The following SYN3 variants were observed in gnomAD, a reference collection of about 807,000 sequenced individuals.
SYN3 encodes the protein synapsin III, also known as synapsin-3.
In SYN3, 35 loss-of-function variants were observed where a neutral mutation model predicts 65.8. That is an observed-to-expected ratio of 0.53 (90% CI 0.41 to 0.70). The LOEUF (loss-of-function observed/expected upper bound fraction) is 0.70, where lower values mean the gene tolerates loss of function less well. Ranked by LOEUF, SYN3 falls within the 30% of genes least tolerant of loss-of-function variation. SYN3 has a pLI of 0.00. For missense variants in SYN3, 680 were observed against 749.0 expected (o/e 0.91, Z 1.08); for synonymous variants, 270 against 292.9 (o/e 0.92, Z 0.80).
At chr22:33,019,508 AAAAT>A (rs528435666) in intron 1 of SYN3, among the ~76,000 whole-genome samples, 303 of 152,356 alleles carry the variant, frequency 2.0e-3, no homozygotes, top group Admixed American at 5.9e-3. Flanking sequence ...ACAGGAATAA[AAAAT>A]AACGGCTACT....
chr22:32,820,122 C>G (rs1481025875), intron 6 of SYN3, among the ~76,000 whole-genome samples: 1 of 151,900 alleles, frequency 6.6e-6, no homozygotes, highest in East Asian at 1.9e-4. Flanking sequence ...CCTGGCTCAG[C>G]AGAGTCAGCC....
chr22:32,514,687 G>A (rs1056982991), intron 13 of SYN3: 1 of 152,262 alleles, frequency 6.6e-6, no homozygotes, highest in African/African-American at 2.4e-5. Flanking sequence ...AAAAGTTGAA[G>A]AGCTCTGCAT....
At chr22:32,726,198 A>G (rs2061189152) in intron 6 of SYN3, among the ~76,000 whole-genome samples, 3 of 151,894 alleles carry the variant, frequency 2.0e-5, no homozygotes. Flanking sequence ...GCTGGAGTGC[A>G]GTGGCACGAT....
chr22:32,628,750 A>C (rs1207373625), intron 6 of SYN3, among the ~76,000 whole-genome samples: 2 of 151,812 alleles, frequency 1.3e-5, no homozygotes, highest in African/African-American at 4.8e-5. Context: ...CTTCGTCTAA[A>C]AAAAAAAAAA....
intron 3 of SYN3, among the ~76,000 whole-genome samples, chr22:32,942,018 G>A (rs544615623): frequency 6.6e-6 from 1 of 152,342 alleles, no homozygotes; most frequent in South Asian, 2.1e-4. Context: ...CCACCTCTGG[G>A]GGCAGGGCAT....
At chr22:32,558,953 GAATA>G (rs1175672539) in intron 7 of SYN3, among the ~76,000 whole-genome samples, 1 of 152,256 alleles carries the variant, frequency 6.6e-6, no homozygotes, top group African/African-American at 2.4e-5. Flanking sequence ...CTCAGCCTGT[GAATA>G]AATAATGATG....
chr22:32,556,770 CAATGA>C (rs2058503078), intron 7 of SYN3, among the ~76,000 whole-genome samples: 2 of 124,068 alleles, frequency 1.6e-5, no homozygotes, highest in African/African-American at 6.7e-5. Context: ...CCCAATGACC[CAATGA>C]CCCAATGACC....
At chr22:32,697,006 C>T (rs1441885500) in intron 6 of SYN3, among the ~76,000 whole-genome samples, 1 of 152,192 alleles carries the variant, frequency 6.6e-6, no homozygotes, top group Non-Finnish European at 1.5e-5. Context: ...AGAAAAATCT[C>T]TCTCTGTCCA....
At chr22:32,689,540 G>A (rs1306381701) in intron 6 of SYN3, among the ~76,000 whole-genome samples, 1 of 152,198 alleles carries the variant, frequency 6.6e-6, no homozygotes, top group Non-Finnish European at 1.5e-5. Flanking sequence ...GCGTCTCCTG[G>A]GGAGGCACAA....
intron 4 of SYN3, among the ~76,000 whole-genome samples, chr22:32,882,900 C>T (rs1213211366): frequency 6.6e-6 from 1 of 151,968 alleles, no homozygotes; most frequent in Non-Finnish European, 1.5e-5. Flanking sequence ...CTTCTGAAGT[C>T]CCCCCGCCCC....
At position 32,682,219 on chromosome 22, in the gene SYN3, T is replaced by C. The variant is rs1392500404; in HGVS notation, c.712-85483A>G. Among the ~76,000 whole-genome samples the C allele has an allele frequency of 6.6e-5, 10 of 152,238 alleles. No individual in the cohort carries two copies. The East Asian group carries it at 1.9e-3, about 29-fold the overall frequency. On this transcript the variant is annotated intron_variant, in intron 6 of 13. Transcript: ENST00000358763. The stretch of plus-strand genomic sequence containing the variant: ...GCTACTGGCCTCTAGTAGGCAAAGG[T>C]CAGGGATTCTGCAAAACATCCTACA...
intron 6 of SYN3, among the ~76,000 whole-genome samples, chr22:32,824,622 G>A (rs947022887): frequency 1.3e-5 from 2 of 152,166 alleles, no homozygotes; most frequent in African/African-American, 4.8e-5. Context: ...TTAGAGGCAT[G>A]CATGTATGAT....
chr22:32,730,662 T>C (rs953501153), intron 6 of SYN3, among the ~76,000 whole-genome samples: 1 of 152,230 alleles, frequency 6.6e-6, no homozygotes, highest in African/African-American at 2.4e-5. Context: ...ATTCAGGTTC[T>C]GGCATCTCTT....
chr22:33,005,749 G>A (rs1278621008), intron 2 of SYN3, among the ~76,000 whole-genome samples: 1 of 152,190 alleles, frequency 6.6e-6, no homozygotes, highest in Non-Finnish European at 1.5e-5. Flanking sequence ...CTGATCCCAA[G>A]GTTTGGGATA....
chr22:32,665,099 G>C (rs2060272816), intron 6 of SYN3, among the ~76,000 whole-genome samples: 1 of 147,568 alleles, frequency 6.8e-6, no homozygotes, highest in African/African-American at 2.5e-5. Context: ...CCTGGTTCAA[G>C]GGATTCTCAT....
intron 7 of SYN3, among the ~76,000 whole-genome samples, chr22:32,590,851 C>T (rs2059118131): frequency 1.3e-5 from 2 of 152,306 alleles, no homozygotes; most frequent in Admixed American, 6.5e-5. Flanking sequence ...CTGAGTCATA[C>T]TAAACTTGTA....
At chr22:32,677,062 C>T (rs2060455998) in intron 6 of SYN3, among the ~76,000 whole-genome samples, 1 of 152,220 alleles carries the variant, frequency 6.6e-6, no homozygotes, top group Non-Finnish European at 1.5e-5. Flanking sequence ...AAACTCAACA[C>T]ATACATATTG....
At position 32,801,240 on chromosome 22, in the gene SYN3, A is replaced by T. The variant is rs2046564915; in HGVS notation, c.711+63675T>A. ...TGCCTGCTCTCTCCAGAGAAACTGG[A>T]GGGGTAGCAGTTAGCATTCCCCCGC... On this transcript the variant is annotated intron_variant, in intron 6 of 13. Transcript: ENST00000358763. This position sits in a 1 kb window ranked among gnomAD's most constrained non-coding sequence, Gnocchi z 4.7. 6.6e-6 allele frequency among the ~76,000 whole-genome samples: 1 copy of T among 152,216 alleles called. No homozygotes were observed.
At chr22:32,811,937 T>C (rs2046927590) in intron 6 of SYN3, among the ~76,000 whole-genome samples, 1 of 152,150 alleles carries the variant, frequency 6.6e-6, no homozygotes, top group Non-Finnish European at 1.5e-5. Flanking sequence ...GACAATGAAC[T>C]TGGCTGAAGA....
Sources: allele counts gnomAD v4.1 joint callset (sites outside exome capture counted in the v4.1 genomes callset), GRCh38; gene constraint gnomAD v4.1.1; non-coding constraint Gnocchi (gnomAD v3.1); transcripts MANE v1.5; gene names NCBI Gene and HGNC (gene_info 2026-07-23, HGNC 2026-07-21).